RSBN1: variants seen among roughly 807,000 people sequenced by gnomAD.
RSBN1 encodes the protein round spermatid basic protein 1, also known as lysine-specific demethylase 9.
In RSBN1, 23 loss-of-function variants were observed where a neutral mutation model predicts 74.8. The observed-to-expected ratio is 0.31, with a 90% CI of 0.22 to 0.44. The LOEUF (loss-of-function observed/expected upper bound fraction) is 0.44. RSBN1 is among the 20% of genes least tolerant of loss of function. The probability of loss-of-function intolerance (pLI) is 1.00; values close to 1 mark genes in which losing one functional copy is unlikely to be tolerated. For missense variants in RSBN1, 808 were observed against 1,020.9 expected (o/e 0.79, Z 2.84); for synonymous variants, 407 against 379.6 (o/e 1.07, Z -0.84).
chr1:113,789,798 G>C lies in RSBN1; in HGVS notation c.1377+7565C>G, dbSNP rs149014726. Among the ~76,000 whole-genome samples the C allele has an allele frequency of 1.7e-3, 260 of 152,248 alleles. 1 individual carries two copies. The highest frequency in any genetic ancestry group is 6.1e-3 in the African/African-American group (255 of 41,544). ...TTGATTGCTGTTGTTTGAGAGCAGA[G>C]GAAAAGTAAAGTGTTCAAAAACAGT... is the stretch of plus-strand genomic sequence containing the variant. On this transcript the variant is annotated intron_variant, in intron 2 of 6. Transcript: ENST00000261441.
At position 113,762,820 on chromosome 1, in the gene RSBN1, T is replaced by TA. The variant is rs1418528601; in HGVS notation, c.*3159dup. 1 of 152,774 alleles carries TA rather than the reference T, an allele frequency of 6.5e-6. No individual in the cohort carries two copies. Among genetic ancestry groups the TA allele is most frequent in the Non-Finnish European group, 1.5e-5 (1 of 68,012 alleles). 9.5% of individuals were successfully genotyped at this position (152,774 alleles called of 1,614,324 possible). The stretch of plus-strand genomic sequence containing the variant: ...AAGACTGATGCAAGACATCTTTTCC[T>TA]AAAGTTTAGTAAACAACTTTAATAA... On this transcript the variant is annotated 3_prime_UTR_variant, in exon 7 of 7. Coordinates refer to ENST00000261441, the MANE Select transcript of RSBN1 (RefSeq NM_018364.5).
intron 5 of RSBN1, 70 bp downstream of exon 5, chr1:113,768,152 C>T (rs1378005402): frequency 1.5e-6 from 2 of 1,335,362 alleles, no homozygotes; most frequent in South Asian, 1.8e-5. Context: ...TGGTCCTAAA[C>T]CTTTTAAATA....
rs532071451 is a variant in RSBN1 at position 113,807,087 on chromosome 1, C to T, written c.703+4623G>A. ...CAGCACTTTGGGAGACCAAGGCGGGCGGATCACCTGAGGTCAGGAGTTCAA... is the reference window on the plus strand; with the variant it reads ...CAGCACTTTGGGAGACCAAGGCGGGTGGATCACCTGAGGTCAGGAGTTCAA... On this transcript the variant is annotated intron_variant, in intron 1 of 6. Coordinates refer to ENST00000261441, the MANE Select transcript of RSBN1 (RefSeq NM_018364.5). 9.2e-5 allele frequency among the ~76,000 whole-genome samples: 14 copies of T among 151,396 alleles called. No homozygotes were observed. In the East Asian group the frequency reaches 2.0e-3, roughly 21 times the overall value.
intron 2 of RSBN1, among the ~76,000 whole-genome samples, chr1:113,780,550 G>A (rs538532780): frequency 2.2e-4 from 33 of 152,300 alleles, no homozygotes; most frequent in East Asian, 1.9e-4. Context: ...AGAGGAAGGC[G>A]GGAGCAACAG....
At chr1:113,793,141 G>A (rs1660400281) in intron 2 of RSBN1, among the ~76,000 whole-genome samples, 1 of 152,172 alleles carries the variant, frequency 6.6e-6, no homozygotes. Context: ...AAAGTTTAAT[G>A]TGCATATGAA....
At chr1:113,773,683 T>G (rs977755647) in intron 4 of RSBN1, among the ~76,000 whole-genome samples, 1 of 152,058 alleles carries the variant, frequency 6.6e-6, no homozygotes, top group Non-Finnish European at 1.5e-5. Context: ...GTGTATACTT[T>G]GAGACTTTAG....
At chr1:113,789,879 G>C (rs147113491) in intron 2 of RSBN1, among the ~76,000 whole-genome samples, 6 of 152,306 alleles carry the variant, frequency 3.9e-5, no homozygotes, top group South Asian at 2.1e-4. Context: ...TGTAGAGTTA[G>C]ATGTATCAAA....
In RSBN1 at chr1:113,812,181, C is replaced by T. The variant is rs1660880460; in HGVS notation, c.232G>A (p.Ala78Thr). 1 of 1,608,852 alleles carries T rather than the reference C, an allele frequency of 6.2e-7. No individual in the cohort carries two copies. The highest frequency in any genetic ancestry group is 1.7e-5 in the Admixed American group (1 of 60,002). ...TTAACTCCCCGCGGGGAGACCCCAG[C>T]ATGAGGTTTCTCCTTCCCCTCTTTG... ...PDKEGKEKPH[A>T]GVSPRGVKRQ... The change falls in exon 1 of 7, where the codon GCT becomes ACT. Residue 78 changes from alanine to threonine, a missense_variant. Ala to Thr is a moderately conservative substitution (Grantham distance 58). Around this residue, in one of 6 missense-constraint regions of RSBN1, gnomAD observed 464 missense variants for 401.0 expected, o/e 1.16. Coordinates refer to ENST00000261441, the MANE Select transcript of RSBN1 (RefSeq NM_018364.5).
At chr1:113,809,344 A>G (rs78903578) in intron 1 of RSBN1, among the ~76,000 whole-genome samples, 173 of 152,312 alleles carry the variant, frequency 1.1e-3, no homozygotes, top group African/African-American at 3.9e-3. Context: ...GGGTAAAGCA[A>G]TTTGTTCAGG....
At chr1:113,766,481 C>T (rs577484400) in intron 6 of RSBN1, 28 bp from the exon 7 acceptor site, 1 of 1,404,116 alleles carries the variant, frequency 7.1e-7, no homozygotes, top group Non-Finnish European at 9.8e-7. Flanking sequence ...TTACGTGAGA[C>T]TTTAAAATAT....
At chr1:113,801,288 T>A (rs1055104903) in intron 1 of RSBN1, among the ~76,000 whole-genome samples, 4 of 152,200 alleles carry the variant, frequency 2.6e-5, no homozygotes, top group Non-Finnish European at 5.9e-5. Context: ...CGGCCTCAGC[T>A]TTTGACTTTT....
At chr1:113,787,872 G>A (rs1049193868) in intron 2 of RSBN1, among the ~76,000 whole-genome samples, 2 of 152,078 alleles carry the variant, frequency 1.3e-5, no homozygotes, top group Admixed American at 1.3e-4. Context: ...CCACCCACGT[G>A]TTCACTGAGT....
chr1:113,788,649 A>C (rs1660305342), intron 2 of RSBN1, among the ~76,000 whole-genome samples: 1 of 152,214 alleles, frequency 6.6e-6, no homozygotes, highest in African/African-American at 2.4e-5. Context: ...TATAAAGCTA[A>C]GAAAAATGAC....
At chr1:113,793,453 G>A (rs963959521) in intron 2 of RSBN1, among the ~76,000 whole-genome samples, 3 of 152,120 alleles carry the variant, frequency 2.0e-5, no homozygotes, top group Non-Finnish European at 4.4e-5. Context: ...AAAACTTCTA[G>A]TCTTTCTTCT....
intron 4 of RSBN1, among the ~76,000 whole-genome samples, chr1:113,772,085 A>C (rs1396851000): frequency 6.6e-6 from 1 of 152,170 alleles, no homozygotes; most frequent in Non-Finnish European, 1.5e-5. Context: ...TTAATAACTT[A>C]ATAGCTGGGT....
rs760608559 is a variant in RSBN1, at chr1:113,797,932, G to A, written c.808C>T (p.Arg270Cys). 107 of 1,613,182 alleles carry A rather than the reference G, an allele frequency of 6.6e-5. No homozygotes were observed. Among genetic ancestry groups the A allele is most frequent in the South Asian group, 9.9e-5 (9 of 90,998 alleles). ...ACTTCCTTATTGTACATTTTAAGGCGTCTTCCTCGCATGTCTTCTCGGTGT... is the reference window on the plus strand; with the variant it reads ...ACTTCCTTATTGTACATTTTAAGGCATCTTCCTCGCATGTCTTCTCGGTGT... ...KKHREDMRGR[R>C]LKMYNKEVQT... The change falls in exon 2 of 7, where the codon CGC (arginine) becomes TGC (cysteine). Residue 270 changes from arginine to cysteine, a missense_variant. Physicochemically the swap from Arg to Cys is radical, Grantham distance 180. Coordinates refer to ENST00000261441, the MANE Select transcript of RSBN1 (RefSeq NM_018364.5).
intron 6 of RSBN1, among the ~76,000 whole-genome samples, 188 bp downstream of exon 6, chr1:113,766,911 G>T (rs1659791421): frequency 6.6e-6 from 1 of 152,162 alleles, no homozygotes; most frequent in Non-Finnish European, 1.5e-5. Context: ...AGATTGAAAG[G>T]ATTTCAAGCA....
chr1:113,786,937 T>C (rs982698644), intron 2 of RSBN1, among the ~76,000 whole-genome samples: 24 of 152,220 alleles, frequency 1.6e-4, no homozygotes, highest in Middle Eastern at 3.2e-3. Context: ...TAGAATATAT[T>C]GGTACCAGGT....
chr1:113,798,150 T>C, intron 1 of RSBN1, 114 bp from the exon 2 acceptor site: 2 of 858,724 alleles, frequency 2.3e-6, no homozygotes, highest in Non-Finnish European at 3.6e-6. Flanking sequence ...GAATTTGCTA[T>C]TACAACTTAC....
Sources: gnomAD v4.1 joint callset for allele counts (sites outside exome capture counted in the v4.1 genomes callset) on GRCh38, gnomAD v4.1.1 for gene constraint, gnomAD v4.1.1 regional missense constraint, MANE v1.5 for transcripts, NCBI Gene and HGNC (gene_info 2026-07-23, HGNC 2026-07-21) for gene names.